PRKCH: variants seen among roughly 807,000 people sequenced by gnomAD.
The protein encoded by PRKCH is protein kinase C eta type.
In PRKCH, 28 loss-of-function variants were observed where a neutral mutation model predicts 82.5. The observed-to-expected ratio is 0.34, with a 90% CI of 0.25 to 0.47. The LOEUF (loss-of-function observed/expected upper bound fraction) is 0.47, where lower values mean the gene tolerates loss of function less well. Among genes scored for constraint, PRKCH ranks in the 20% least tolerant of loss-of-function variants. PRKCH has a pLI of 1.00. For synonymous variants in PRKCH, 322 were observed against 327.4 expected, an observed-to-expected ratio of 0.98 and a Z score of 0.18; for missense variants, 705 against 881.8, an observed-to-expected ratio of 0.80 and a Z score of 2.54.
At chr14:61,314,232 AC>A (rs2045545485) in intron 1 of PRKCH, among the ~76,000 whole-genome samples, 1 of 152,068 alleles carries the variant, frequency 6.6e-6, no homozygotes, top group Non-Finnish European at 1.5e-5. Context: ...GTATGAATCT[AC>A]AAAACTATAA....
At chr14:61,224,812 C>G (rs183305917) in intron 1 of PRKCH, among the ~76,000 whole-genome samples, 2 of 152,250 alleles carry the variant, frequency 1.3e-5, no homozygotes, top group African/African-American at 4.8e-5. Flanking sequence ...TCTTTGGAAG[C>G]AAGTTTCTGA....
chr14:61,464,922 T>A (rs1020039603), intron 9 of PRKCH, among the ~76,000 whole-genome samples: 1 of 152,234 alleles, frequency 6.6e-6, no homozygotes, highest in Non-Finnish European at 1.5e-5. Flanking sequence ...GATTGCTGGG[T>A]CAAATGGTAT....
Position 61,386,107 on chromosome 14 carries a change from C to T in PRKCH, c.364-5118C>T, listed in dbSNP as rs144922563. On this transcript the variant is annotated intron_variant, in intron 1 of 13. Coordinates refer to ENST00000332981, the MANE Select transcript of PRKCH (RefSeq NM_006255.5). ...CCAGTATGCTGCTTGATCCATAATG[C>T]GTTTGGTTGCTCTCTCAGAATAAAT... is the stretch of plus-strand genomic sequence containing the variant. 3.0e-3 allele frequency among the ~76,000 whole-genome samples: 451 copies of T among 152,252 alleles called. 3 individuals are homozygous for T. Among genetic ancestry groups the T allele is most frequent in the African/African-American group, 0.011 (437 of 41,532 alleles).
chr14:61,485,618 G>T lies in PRKCH; in HGVS notation c.1395G>T (p.Ser465=). 6.2e-7 allele frequency: 1 copy of T among 1,614,010 alleles called. No individual in the cohort carries two copies. The highest frequency in any genetic ancestry group is 8.5e-7 in the Non-Finnish European group (1 of 1,179,978). The change falls in exon 10 of 14, where the codon TCG becomes TCT. Residue 465 remains serine, a synonymous_variant. Coordinates refer to ENST00000332981, the MANE Select transcript of PRKCH (RefSeq NM_006255.5). ...GCTTCTATGCTGCAGAAATCATTTC[G>T]GCTCTCATGTTCCTCCATGATAAAG... ...RARFYAAEII[S]ALMFLHDKGI...
At chr14:61,392,291 C>A (rs915244797) in intron 2 of PRKCH, among the ~76,000 whole-genome samples, 4 of 152,014 alleles carry the variant, frequency 2.6e-5, no homozygotes, top group Non-Finnish European at 5.9e-5. Flanking sequence ...AGTGGAATTG[C>A]TGGGTAATAA....
At chr14:61,250,122 C>T (rs1479283515) in intron 1 of PRKCH, among the ~76,000 whole-genome samples, 1 of 150,578 alleles carries the variant, frequency 6.6e-6, no homozygotes, top group Non-Finnish European at 1.5e-5. Context: ...TAGGCAGGCA[C>T]GGTCGTGGGC....
At chr14:61,507,442 CA>C (rs1887197864) in intron 10 of PRKCH, among the ~76,000 whole-genome samples, 1 of 152,096 alleles carries the variant, frequency 6.6e-6, no homozygotes, top group Non-Finnish European at 1.5e-5. Context: ...GATCTATAAC[CA>C]AAGGAATTGG....
chr14:61,437,939 A>G lies in PRKCH; in HGVS notation c.428-5172A>G, dbSNP rs536817045. On this transcript the variant is annotated intron_variant, in intron 2 of 13. Transcript: ENST00000332981. ...AGCAAGACCCTGTCTCTTAAAAAAA[A>G]AAATCCTTTCTATTCCTAGAACTCT... 2.5e-4 allele frequency among the ~76,000 whole-genome samples: 38 copies of G among 152,256 alleles called. 2 individuals carry two copies. The South Asian group carries it at 7.9e-3, about 32-fold the overall frequency.
intron 1 of PRKCH, chr14:61,281,091 A>T: frequency 6.7e-7 from 1 of 1,503,744 alleles, no homozygotes; most frequent in South Asian, 1.3e-5. Context: ...GGCGCTGCTG[A>T]GTGAAGGCGG....
intron 1 of PRKCH, among the ~76,000 whole-genome samples, chr14:61,246,218 C>A (rs1450047315): frequency 6.7e-6 from 1 of 148,450 alleles, no homozygotes; most frequent in African/African-American, 2.5e-5. Flanking sequence ...CCAGCCTGAC[C>A]AACATGGCAA....
chr14:61,322,002 C>T lies in PRKCH; in HGVS notation c.-100C>T. 2 of 1,321,616 alleles carry T rather than the reference C, an allele frequency of 1.5e-6. No homozygotes were observed. Among genetic ancestry groups the T allele is most frequent in the Non-Finnish European group, 2.0e-6 (2 of 988,152 alleles). 81.9% of individuals were successfully genotyped at this position (1,321,616 alleles called of 1,614,324 possible). A position where few individuals can be genotyped will look rare whatever the true frequency, so the allele number is the denominator to read the frequency against. On this transcript the variant is annotated 5_prime_UTR_variant, in exon 1 of 14. An upstream open reading frame in the 5' UTR gains an earlier in-frame stop. Transcript: ENST00000332981. ...GCGCTGCCTTTCCCCAGGGCTGCCT[C>T]GACTCCTGCACCTGTCCCGAGGGCT...
At chr14:61,510,598 G>A (rs958223353) in intron 10 of PRKCH, among the ~76,000 whole-genome samples, 1 of 152,088 alleles carries the variant, frequency 6.6e-6, no homozygotes. Flanking sequence ...AACACTTCTG[G>A]TAGTTTTGCC....
At chr14:61,273,807 T>A (rs1477136894) in intron 1 of PRKCH, among the ~76,000 whole-genome samples, 2 of 152,246 alleles carry the variant, frequency 1.3e-5, no homozygotes, top group Non-Finnish European at 2.9e-5. Context: ...AATAATTTCC[T>A]GAATTATTTC....
rs548163784 is a variant in PRKCH at position 61,240,029 on chromosome 14, C to T, written c.-19+52361C>T. On this transcript the variant is annotated intron_variant, in intron 1 of 3. Transcript: ENST00000555185. The stretch of plus-strand genomic sequence containing the variant: ...CCAACTGTCCAGGAGTTGAATGCAT[C>T]TCTAAATTTCACTGGAGGTTTTGCC... 2.6e-5 allele frequency among the ~76,000 whole-genome samples: 4 copies of T among 152,330 alleles called. No individual in the cohort carries two copies. In the South Asian group the frequency reaches 8.3e-4, roughly 32 times the overall value.
intron 1 of PRKCH, chr14:61,326,952 A>G (rs1472626214): frequency 2.5e-6 from 1 of 392,530 alleles, no homozygotes; most frequent in African/African-American, 2.1e-5. Flanking sequence ...CTTGCTCTTG[A>G]TTTGCTGACC....
In PRKCH at chr14:61,457,165, T is replaced by C; in HGVS notation, c.961-11T>C. ...TGCAATTTCTGACTTAATGTGTTCT[T>C]ACTCTTTCAGAAACTCGTTTCCAGA... is the stretch of plus-strand genomic sequence containing the variant. On this transcript the variant is annotated splice_polypyrimidine_tract_variant and intron_variant, in intron 7 of 13. Transcript: ENST00000332981. 1 of 1,613,682 alleles carries C rather than the reference T, an allele frequency of 6.2e-7. No homozygotes were observed.
intron 9 of PRKCH, among the ~76,000 whole-genome samples, chr14:61,472,206 T>C (rs1435602572): frequency 6.6e-6 from 1 of 152,214 alleles, no homozygotes; most frequent in Non-Finnish European, 1.5e-5. Flanking sequence ...CCTGGGGGCA[T>C]CCAGGGAGCA....
intron 4 of PRKCH, 101 bp downstream of exon 4, chr14:61,445,827 A>G: frequency 8.0e-7 from 1 of 1,246,638 alleles, no homozygotes; most frequent in Admixed American, 1.7e-5. Context: ...TATTGTGATA[A>G]ATAACTCTCT....
chr14:61,365,958 G>A (rs1317889175), intron 1 of PRKCH, among the ~76,000 whole-genome samples: 1 of 152,050 alleles, frequency 6.6e-6, no homozygotes, highest in Admixed American at 6.5e-5. Flanking sequence ...AGACTTAAAA[G>A]GAGAAAAGAG....
Sources: gnomAD v4.1 joint callset for allele counts (sites outside exome capture counted in the v4.1 genomes callset) on GRCh38, gnomAD v4.1.1 for gene constraint, MANE v1.5 for transcripts, NCBI Gene and HGNC (gene_info 2026-07-23, HGNC 2026-07-21) for gene names.